The following NPAS3 variants were observed in gnomAD, a reference collection of about 807,000 sequenced individuals.
The protein encoded by NPAS3 is neuronal PAS domain-containing protein 3.
Under a neutral mutation model 73.1 loss-of-function variants are expected in NPAS3, and 14 were observed. The ratio of observed to expected loss-of-function variants is 0.19; its 90% CI spans 0.13 to 0.30. The LOEUF is 0.30. Among genes scored for constraint, NPAS3 ranks in the 10% least tolerant of loss-of-function variants. The pLI is 1.00. For synonymous variants in NPAS3, 620 were observed against 541.5 expected (o/e 1.14, Z -2.01); for missense variants, 1,096 against 1,250.0 (o/e 0.88, Z 1.86).
At chr14:33,801,004 C>T (rs769448697) in exon 12 of NPAS3, 1 of 1,588,902 alleles carries the variant, frequency 6.3e-7, no homozygotes, top group Non-Finnish European at 8.6e-7. Context: ...AGATGCCCGC[C>T]GGCAACGTGT....
intron 4 of NPAS3, among the ~76,000 whole-genome samples, chr14:33,373,803 G>C (rs931977096): frequency 6.6e-6 from 1 of 152,052 alleles, no homozygotes; most frequent in Non-Finnish European, 1.5e-5. Flanking sequence ...ACCTGAAAGA[G>C]AATTCCATGA....
chr14:33,418,098 T>G (rs1425827852), intron 4 of NPAS3, among the ~76,000 whole-genome samples: 1 of 151,856 alleles, frequency 6.6e-6, no homozygotes, highest in Non-Finnish European at 1.5e-5. Flanking sequence ...TAGTTTAAGA[T>G]GAACCAAGGA....
intron 6 of NPAS3, among the ~76,000 whole-genome samples, chr14:33,689,051 T>C (rs1298957621): frequency 6.6e-6 from 1 of 152,236 alleles, no homozygotes; most frequent in Non-Finnish European, 1.5e-5. Flanking sequence ...TGACCGACAT[T>C]TGAGGACATA....
intron 2 of NPAS3, among the ~76,000 whole-genome samples, chr14:33,213,247 A>AT (rs2047103945): frequency 6.6e-6 from 1 of 151,368 alleles, no homozygotes; most frequent in South Asian, 2.1e-4. Flanking sequence ...CCAAAAAAAA[A>AT]TTGTAAGTTT....
chr14:33,142,303 A>G (rs910442805), intron 2 of NPAS3, among the ~76,000 whole-genome samples: 3 of 150,482 alleles, frequency 2.0e-5, no homozygotes, highest in Non-Finnish European at 4.4e-5. Flanking sequence ...ACAACACAAG[A>G]CATACACTAA....
intron 1 of NPAS3, 87 bp from the exon 2 acceptor site, chr14:33,055,818 T>A (rs571529090): frequency 8.1e-6 from 5 of 614,858 alleles, no homozygotes; most frequent in Non-Finnish European, 8.8e-6. Context: ...GCAAAATATA[T>A]TGAATTTCAA....
intron 6 of NPAS3, among the ~76,000 whole-genome samples, chr14:33,700,653 A>G (rs1393611455): frequency 2.0e-5 from 3 of 152,224 alleles, no homozygotes; most frequent in African/African-American, 2.4e-5. Context: ...AAATGGAGGT[A>G]AAGGCTGAAA....
chr14:33,551,966 G>T (rs1413646548), intron 4 of NPAS3, among the ~76,000 whole-genome samples: 1 of 152,142 alleles, frequency 6.6e-6, no homozygotes, highest in Non-Finnish European at 1.5e-5. Flanking sequence ...CCTTTGCCTT[G>T]GGGCTTTCTG....
At chr14:33,602,196 A>G (rs1355357471) in intron 5 of NPAS3, among the ~76,000 whole-genome samples, 1 of 152,236 alleles carries the variant, frequency 6.6e-6, no homozygotes, top group Non-Finnish European at 1.5e-5. Flanking sequence ...CCGAGCACTA[A>G]TCAGTGCATG....
chr14:33,784,753 T>TTATTTATTTA (rs1566538752), intron 9 of NPAS3, among the ~76,000 whole-genome samples: 7 of 70,520 alleles, frequency 9.9e-5, no homozygotes, highest in African/African-American at 3.2e-4. Context: ...TTATTTTTTT[T>TTATTTATTTA]TTTTTTTTTT....
chr14:32,952,931 C>A (rs915727934), intron 1 of NPAS3, among the ~76,000 whole-genome samples: 1 of 151,656 alleles, frequency 6.6e-6, no homozygotes, highest in East Asian at 1.9e-4. Context: ...ATTAGCCAGG[C>A]TTAATGGTGC....
intron 3 of NPAS3, among the ~76,000 whole-genome samples, chr14:33,263,220 C>G (rs2049038821): frequency 6.6e-6 from 1 of 151,924 alleles, no homozygotes; most frequent in Admixed American, 6.6e-5. Context: ...ATGGTATTGC[C>G]TAGGTTTTCT....
At chr14:33,242,631 A>G (rs1377436935) in intron 3 of NPAS3, among the ~76,000 whole-genome samples, 2 of 152,096 alleles carry the variant, frequency 1.3e-5, no homozygotes, top group Admixed American at 1.3e-4. Context: ...TATTCAAACT[A>G]TGAAGATCAT....
chr14:33,068,948 C>T lies in NPAS3; in HGVS notation c.140+12954C>T, dbSNP rs1379464942. 5.3e-5 allele frequency among the ~76,000 whole-genome samples: 8 copies of T among 152,148 alleles called. No homozygotes were observed. The South Asian group carries it at 6.2e-4, about 12-fold the overall frequency. ...GAGGCAACAGCACACGGGATGCTGG[C>T]GGGCCAGGGAGGGACTTCGGCTTTT... On this transcript the variant is annotated intron_variant, in intron 2 of 11. Transcript: ENST00000356141.
intron 4 of NPAS3, among the ~76,000 whole-genome samples, chr14:33,376,712 G>A (rs945735365): frequency 2.0e-5 from 3 of 152,164 alleles, no homozygotes; most frequent in African/African-American, 7.2e-5. Flanking sequence ...GCCAACATGA[G>A]TTTATATCCC....
chr14:33,778,342 G>T (rs1183314034), intron 8 of NPAS3, 124 bp from the exon 9 acceptor site: 19 of 647,324 alleles, frequency 2.9e-5, no homozygotes, highest in Non-Finnish European at 4.6e-5. Flanking sequence ...TTCCCTCACA[G>T]TGCCACCTCC....
intron 7 of NPAS3, among the ~76,000 whole-genome samples, chr14:33,758,482 G>A (rs549972201): frequency 1.1e-4 from 17 of 152,196 alleles, no homozygotes; most frequent in South Asian, 6.2e-4. Flanking sequence ...CCCATAGGGC[G>A]TAGCAGAGCG....
intron 1 of NPAS3, among the ~76,000 whole-genome samples, chr14:32,953,061 A>G (rs2036543452): frequency 6.6e-6 from 1 of 151,650 alleles, no homozygotes; most frequent in Non-Finnish European, 1.5e-5. Flanking sequence ...ACAGAGTGAG[A>G]CCCTGTCTCA....
chr14:33,796,058 A>G (rs986412209), intron 10 of NPAS3, among the ~76,000 whole-genome samples: 1 of 152,220 alleles, frequency 6.6e-6, no homozygotes, highest in Non-Finnish European at 1.5e-5. Flanking sequence ...CAAGACAGCC[A>G]TTTACTGGTA....
Sources: gnomAD v4.1 joint callset for allele counts (sites outside exome capture counted in the v4.1 genomes callset) on GRCh38, gnomAD v4.1.1 for gene constraint, MANE v1.5 for transcripts, NCBI Gene and HGNC (gene_info 2026-07-23, HGNC 2026-07-21) for gene names.